PTDSS1: variants seen among roughly 807,000 people sequenced by gnomAD.
PTDSS1 encodes the protein phosphatidylserine synthase 1.
Under a neutral mutation model 70.5 loss-of-function variants are expected in PTDSS1, and 45 were observed. That is an observed-to-expected ratio of 0.64 (90% CI 0.50 to 0.82). The LOEUF is 0.82. Ranked by LOEUF, PTDSS1 falls within the 40% of genes least tolerant of loss-of-function variation. The pLI, the probability that PTDSS1 is intolerant of heterozygous loss-of-function variation, is 0.00. For missense variants in PTDSS1, 417 were observed against 586.1 expected, an observed-to-expected ratio of 0.71 and a Z score of 2.98; for synonymous variants, 188 against 203.8, an observed-to-expected ratio of 0.92 and a Z score of 0.66.
At chr8:96,325,540 G>C (rs950907756) in intron 10 of PTDSS1, among the ~76,000 whole-genome samples, 1 of 152,000 alleles carries the variant, frequency 6.6e-6, no homozygotes, top group African/African-American at 2.4e-5. Flanking sequence ...ATCACTCTTC[G>C]AATCAGCCAG....
rs769749002 is a variant in PTDSS1, at chr8:96,333,446, C to G, written c.1313-11C>G. On this transcript the variant is annotated splice_polypyrimidine_tract_variant and intron_variant, in intron 12 of 12. Transcript: ENST00000517309. ...CCCAGGGTGACGGTGTGCTCTGATT[C>G]CTTTGGCCAGGTTCTGAAGACAGCC... 6.2e-7 allele frequency: 1 copy of G among 1,603,848 alleles called. No homozygotes were observed. Among genetic ancestry groups the G allele is most frequent in the Non-Finnish European group, 8.5e-7 (1 of 1,170,714 alleles).
Position 96,334,954 on chromosome 8 carries a change from T to C in PTDSS1, c.*1388T>C, listed in dbSNP as rs1811574360. On this transcript the variant is annotated 3_prime_UTR_variant, in exon 13 of 13. Coordinates refer to ENST00000517309, the MANE Select transcript of PTDSS1 (RefSeq NM_014754.3). ...TTAAGGAAATCTTTAGCCATAGAAG[T>C]GTCACTTTTTTTTTTTCTGCAAAAG... 6.6e-6 allele frequency: 1 copy of C among 152,132 alleles called. No individual in the cohort carries two copies. Among genetic ancestry groups the C allele is most frequent in the Non-Finnish European group, 1.5e-5 (1 of 68,016 alleles). The allele number at this position is 152,132 out of a possible 1,614,324, so 9.4% of individuals were successfully genotyped here.
chr8:96,332,567 A>T lies in PTDSS1; in HGVS notation c.1313-890A>T, dbSNP rs1255906387. Among the ~76,000 whole-genome samples the T allele has an allele frequency of 5.9e-5, 9 of 152,236 alleles. No individual in the cohort carries two copies. In the East Asian group the frequency reaches 1.7e-3, roughly 29 times the overall value. On this transcript the variant is annotated intron_variant, in intron 12 of 12. Coordinates refer to ENST00000517309, the MANE Select transcript of PTDSS1 (RefSeq NM_014754.3). ...TGTGAAATCTGATAGAGATGGACAG[A>T]GGGGCTCCCCAGCTATCTTATTTAG...
intron 9 of PTDSS1, among the ~76,000 whole-genome samples, chr8:96,314,551 C>A (rs1054433790): frequency 6.6e-6 from 1 of 152,066 alleles, no homozygotes; most frequent in Non-Finnish European, 1.5e-5. Flanking sequence ...CTTGCCACAC[C>A]CCACCCCCTG....
chr8:96,281,177 G>A (rs747523064), intron 2 of PTDSS1, among the ~76,000 whole-genome samples: 1 of 152,112 alleles, frequency 6.6e-6, no homozygotes, highest in Non-Finnish European at 1.5e-5. Context: ...CCTCATCCTC[G>A]ATTTTTTTTA....
chr8:96,306,404 C>T (rs756990117), intron 7 of PTDSS1, 40 bp from the exon 8 acceptor site: 53 of 1,389,748 alleles, frequency 3.8e-5, no homozygotes, highest in Non-Finnish European at 4.9e-5. Context: ...TTTGAATTAG[C>T]ATGAGGTACC....
At chr8:96,287,946 T>A (rs1810847641) in intron 4 of PTDSS1, among the ~76,000 whole-genome samples, 1 of 152,076 alleles carries the variant, frequency 6.6e-6, no homozygotes, top group South Asian at 2.1e-4. Context: ...ATCCCACTAG[T>A]TAAGGGCCCA....
At chr8:96,304,817 T>C (rs561440765) in intron 7 of PTDSS1, among the ~76,000 whole-genome samples, 1 of 152,364 alleles carries the variant, frequency 6.6e-6, no homozygotes, top group East Asian at 1.9e-4. Context: ...TCACAACTTT[T>C]GGAAAGTAGC....
At chr8:96,325,539 C>T (rs1026939980) in intron 10 of PTDSS1, among the ~76,000 whole-genome samples, 5 of 152,152 alleles carry the variant, frequency 3.3e-5, no homozygotes, top group African/African-American at 7.2e-5. Flanking sequence ...CATCACTCTT[C>T]GAATCAGCCA....
At chr8:96,290,806 C>G (rs1380041072) in intron 4 of PTDSS1, among the ~76,000 whole-genome samples, 1 of 150,134 alleles carries the variant, frequency 6.7e-6, no homozygotes, top group Non-Finnish European at 1.5e-5. Context: ...CATTGAAACT[C>G]AGACTTCATT....
intron 4 of PTDSS1, among the ~76,000 whole-genome samples, chr8:96,287,675 C>T (rs1373583511): frequency 6.6e-6 from 1 of 152,062 alleles, no homozygotes; most frequent in Non-Finnish European, 1.5e-5. Flanking sequence ...CTTGATCCTG[C>T]TCCACTGCTT....
chr8:96,310,081 G>C (rs1811186067), intron 9 of PTDSS1, among the ~76,000 whole-genome samples: 1 of 151,574 alleles, frequency 6.6e-6, no homozygotes, highest in Non-Finnish European at 1.5e-5. Flanking sequence ...GTGAGCCAAA[G>C]TCACGCCACT....
intron 6 of PTDSS1, among the ~76,000 whole-genome samples, chr8:96,300,408 A>G (rs1321743547): frequency 1.3e-5 from 2 of 152,110 alleles, no homozygotes; most frequent in African/African-American, 2.4e-5. Flanking sequence ...CTGTGTACCC[A>G]TAGGCCAGCC....
intron 12 of PTDSS1, among the ~76,000 whole-genome samples, chr8:96,332,540 G>A (rs181810905): frequency 1.3e-5 from 2 of 152,304 alleles, no homozygotes; most frequent in East Asian, 1.9e-4. Context: ...TGAGCGGCCC[G>A]TTGTGAAATC....
chr8:96,287,870 A>G (rs1180664635), intron 4 of PTDSS1, among the ~76,000 whole-genome samples: 1 of 152,198 alleles, frequency 6.6e-6, no homozygotes, highest in African/African-American at 2.4e-5. Context: ...TTCTGTGACC[A>G]GATGTGTAGG....
At chr8:96,298,390 C>T (rs1032118275) in intron 5 of PTDSS1, among the ~76,000 whole-genome samples, 1 of 152,158 alleles carries the variant, frequency 6.6e-6, no homozygotes, top group African/African-American at 2.4e-5. Flanking sequence ...CCAGAGAACT[C>T]CCAGGCATTG....
intron 10 of PTDSS1, among the ~76,000 whole-genome samples, chr8:96,323,802 G>A (rs1195809045): frequency 6.6e-6 from 1 of 152,186 alleles, no homozygotes; most frequent in Non-Finnish European, 1.5e-5. Context: ...TAACAGCCAC[G>A]TGGCCCCACC....
At chr8:96,286,591 G>A (rs957245843) in intron 3 of PTDSS1, among the ~76,000 whole-genome samples, 8 of 152,112 alleles carry the variant, frequency 5.3e-5, no homozygotes, top group African/African-American at 1.7e-4. Context: ...AATGTTGGCC[G>A]TGGCCTTTAA....
chr8:96,296,896 G>A (rs1423738851), intron 5 of PTDSS1, among the ~76,000 whole-genome samples: 5 of 152,150 alleles, frequency 3.3e-5, no homozygotes, highest in South Asian at 4.1e-4. Flanking sequence ...GGCCCTTGTC[G>A]GCCTCGCTTG....
Sources: gnomAD v4.1 joint callset for allele counts (sites outside exome capture counted in the v4.1 genomes callset) on GRCh38, gnomAD v4.1.1 for gene constraint, MANE v1.5 for transcripts, NCBI Gene and HGNC (gene_info 2026-07-23, HGNC 2026-07-21) for gene names.